The following BMX variants were observed in gnomAD, a reference collection of about 807,000 sequenced individuals.
BMX encodes the protein BMX non-receptor tyrosine kinase.
BMX carries 31 observed loss-of-function variants against 59.2 expected under a neutral mutation model. That is an observed-to-expected ratio of 0.52 (90% CI 0.39 to 0.71). The LOEUF is 0.71. Ranked by LOEUF, BMX falls within the 30% of genes least tolerant of loss-of-function variation. BMX has a pLI of 0.00. For synonymous variants in BMX, 185 were observed against 181.0 expected (o/e 1.02, Z -0.18); for missense variants, 474 against 491.7 (o/e 0.96, Z 0.34).
At chrX:15,527,285 C>T (rs768987376) in intron 9 of BMX, among the ~76,000 whole-genome samples, 822 of 70,778 alleles carry the variant, frequency 0.012, 22 homozygotes, top group African/African-American at 0.053. Flanking sequence ...TATATATATA[C>T]ACACACACAC....
At chrX:15,509,264 T>C in intron 2 of BMX, 65 bp from the exon 3 acceptor site, 1 of 601,305 alleles carries the variant, frequency 1.7e-6, no homozygotes, top group Non-Finnish European at 2.2e-6. Flanking sequence ...ACTTGGGCTT[T>C]ATGCCTTTCC....
chrX:15,525,191 A>G, intron 7 of BMX, 97 bp from the exon 8 acceptor site: 1 of 828,149 alleles, frequency 1.2e-6, no homozygotes, highest in East Asian at 3.5e-5. Context: ...AAAATGTCAA[A>G]TAAAGCTAAA....
intron 17 of BMX, 152 bp downstream of exon 17, chrX:15,547,073 G>T: frequency 2.3e-6 from 1 of 436,770 alleles, no homozygotes; most frequent in South Asian, 4.4e-5. Flanking sequence ...GTTGAAGAAG[G>T]TGATTTATTT....
At chrX:15,540,711 A>C (rs1925627479) in intron 14 of BMX, among the ~76,000 whole-genome samples, 1 of 111,853 alleles carries the variant, frequency 8.9e-6, no homozygotes, top group Non-Finnish European at 1.9e-5. Context: ...TAATCTCCCC[A>C]AAAAGGCTAA....
chrX:15,550,595 T>C (rs1352059609), intron 18 of BMX, among the ~76,000 whole-genome samples: 1 of 107,502 alleles, frequency 9.3e-6, no homozygotes, highest in African/African-American at 3.4e-5. Context: ...TCCACTAAGT[T>C]CATAGAACTA....
At chrX:15,502,336 A>T (rs1300338249) in intron 1 of BMX, among the ~76,000 whole-genome samples, 1 of 111,758 alleles carries the variant, frequency 8.9e-6, no homozygotes, top group Non-Finnish European at 1.9e-5. Context: ...TCTCCTAAGG[A>T]AGTTGCCCAG....
chrX:15,503,752 G>A (rs1923647378), intron 1 of BMX, among the ~76,000 whole-genome samples: 1 of 112,450 alleles, frequency 8.9e-6, no homozygotes, highest in Non-Finnish European at 1.9e-5. Flanking sequence ...AATATGGGAT[G>A]TGGAGTTAGA....
chrX:15,515,460 C>T (rs1924116158), intron 4 of BMX, among the ~76,000 whole-genome samples: 2 of 110,722 alleles, frequency 1.8e-5, no homozygotes. Flanking sequence ...TTATGGATGA[C>T]ATTATTTAGG....
Position 15,524,470 on chromosome X carries a change from A to G in BMX, c.753-818A>G, listed in dbSNP as rs1017115144. On this transcript the variant is annotated intron_variant, in intron 7 of 18. Transcript: ENST00000348343. ...TTTAATGTCTGTAAGTACCAGTTGTATAGATACTAGGTAAACCTAAGTGAT... is the reference window on the plus strand; with the variant it reads ...TTTAATGTCTGTAAGTACCAGTTGTGTAGATACTAGGTAAACCTAAGTGAT... 4.4e-5 allele frequency among the ~76,000 whole-genome samples: 5 copies of G among 112,599 alleles called. No individual in the cohort carries two copies. In the Admixed American group the frequency reaches 4.7e-4, roughly 11 times the overall value.
chrX:15,552,488 T>C (rs1394705476), intron 18 of BMX, among the ~76,000 whole-genome samples: 1 of 112,466 alleles, frequency 8.9e-6, no homozygotes, highest in Non-Finnish European at 1.9e-5. Flanking sequence ...TTGTGATTAG[T>C]AGAAACTTTC....
chrX:15,548,967 G>A (rs866860488), intron 17 of BMX, among the ~76,000 whole-genome samples: 3 of 111,796 alleles, frequency 2.7e-5, no homozygotes, highest in East Asian at 2.8e-4. Context: ...AGTGCTTTAC[G>A]TGTTTTATCC....
At position 15,508,281 on chromosome X, in the gene BMX, T is replaced by G. The variant is rs759018857; in HGVS notation, c.-9-64T>G. ...ATAGGAAATCGTTGAGGAAAAGATA[T>G]GAAGGTTAAAGAGAACTTACCTAGA... On this transcript the variant is annotated intron_variant, in intron 1 of 18. Transcript: ENST00000348343. The G allele has an allele frequency of 3.8e-6, 3 of 788,688 alleles. No homozygotes were observed. The East Asian group carries it at 1.1e-4, about 29-fold the overall frequency. The allele number at this position is 788,688 out of a possible 1,213,427, so 65.0% of individuals were successfully genotyped here. A position where few individuals can be genotyped will look rare whatever the true frequency, so the allele number is the denominator to read the frequency against.
intron 14 of BMX, among the ~76,000 whole-genome samples, chrX:15,539,487 G>A (rs1774773977): frequency 9.0e-6 from 1 of 111,273 alleles, no homozygotes; most frequent in African/African-American, 3.3e-5. Flanking sequence ...GCCATCACAA[G>A]CCTTCCCTCT....
Position 15,527,303 on chromosome X carries a change from T to C in BMX, c.884+1208T>C, listed in dbSNP as rs1224816216. 5.1e-3 allele frequency among the ~76,000 whole-genome samples: 428 copies of C among 83,936 alleles called. 5 individuals carry two copies. Among genetic ancestry groups the C allele is most frequent in the South Asian group, 8.3e-3 (13 of 1,566 alleles). The allele number at this position is 83,936 out of a possible 115,157, so 72.9% of individuals were successfully genotyped here. On this transcript the variant is annotated intron_variant, in intron 9 of 18. Coordinates refer to ENST00000348343, the MANE Select transcript of BMX (RefSeq NM_203281.3). Reference sequence around the variant, plus strand: ...ATATATACACACACACACACACACATATATATATACCTGCTATGTACTCAC... The same window carrying C: ...ATATATACACACACACACACACACACATATATATACCTGCTATGTACTCAC...
intron 10 of BMX, among the ~76,000 whole-genome samples, chrX:15,530,466 T>A (rs56804944): frequency 0.035 from 3,889 of 111,611 alleles, 158 homozygotes; most frequent in African/African-American, 0.12. Context: ...CATGGTGATC[T>A]CAAGGCAGTA....
rs756877718 is a variant in BMX at position 15,509,406 on chromosome X, G to C, written c.216G>C (p.Thr72=). 3 of 1,202,437 alleles carry C rather than the reference G, an allele frequency of 2.5e-6. No individual in the cohort carries two copies. Among genetic ancestry groups the C allele is most frequent in the Non-Finnish European group, 3.4e-6 (3 of 890,438 alleles). The change falls in exon 3 of 19, where the codon ACG becomes ACC. Residue 72 remains threonine, a synonymous_variant. Coordinates refer to ENST00000348343, the MANE Select transcript of BMX (RefSeq NM_203281.3). ...CVEKVNLEEQ[T]PVERQYPFQI... is the part of the protein sequence containing the mutation. ...AGAAAGTAAATCTCGAGGAGCAGAC[G>C]CCTGTAGAGAGACAGTACCCATTTC...
At chrX:15,508,811 C>G (rs1216345058) in intron 2 of BMX, among the ~76,000 whole-genome samples, 1 of 111,948 alleles carries the variant, frequency 8.9e-6, no homozygotes, top group South Asian at 3.7e-4. Context: ...GGGATAGGAA[C>G]AGTAAGTGTT....
At chrX:15,507,203 G>A in intron 1 of BMX, 4 of 356,330 alleles carry the variant, frequency 1.1e-5, no homozygotes, top group Non-Finnish European at 1.5e-5. Context: ...CTTGGCGCCC[G>A]CCTCCATGCA....
At chrX:15,528,965 C>T (rs183160153) in intron 9 of BMX, among the ~76,000 whole-genome samples, 6 of 111,855 alleles carry the variant, frequency 5.4e-5, no homozygotes, top group East Asian at 2.8e-4. Context: ...ATAAGAAAAA[C>T]GATCAGTTAA....
Sources: allele counts gnomAD v4.1 joint callset (sites outside exome capture counted in the v4.1 genomes callset), GRCh38; gene constraint gnomAD v4.1.1; transcripts MANE v1.5; gene names NCBI Gene and HGNC (gene_info 2026-07-23, HGNC 2026-07-21).